Variants in LRRC7 observed in about 807,000 individuals in gnomAD.
LRRC7 encodes the protein leucine-rich repeat-containing protein 7.
Under a neutral mutation model 175.7 loss-of-function variants are expected in LRRC7, and 23 were observed. The observed-to-expected ratio is 0.13, with a 90% CI of 0.09 to 0.19. LRRC7 has a LOEUF of 0.19. LRRC7 is among the 10% of genes least tolerant of loss of function. The pLI, the probability that LRRC7 is intolerant of heterozygous loss-of-function variation, is 1.00. For synonymous variants in LRRC7, 685 were observed against 680.9 expected (o/e 1.01, Z -0.09); for missense variants, 1,354 against 1,904.7 (o/e 0.71, Z 5.38).
At chr1:69,644,781 A>G (rs960132215) in intron 1 of LRRC7, among the ~76,000 whole-genome samples, 1 of 152,014 alleles carries the variant, frequency 6.6e-6, no homozygotes, top group Non-Finnish European at 1.5e-5. Flanking sequence ...ATATAAAAAA[A>G]ATGCATCATT....
At chr1:69,898,839 G>A (rs899652237) in intron 7 of LRRC7, among the ~76,000 whole-genome samples, 1 of 152,176 alleles carries the variant, frequency 6.6e-6, no homozygotes, top group African/African-American at 2.4e-5. Context: ...TTCTAAGAGG[G>A]TTAAAAGTTG....
chr1:69,644,368 T>A (rs1365038689), intron 1 of LRRC7, among the ~76,000 whole-genome samples: 2 of 152,096 alleles, frequency 1.3e-5, no homozygotes, highest in East Asian at 1.9e-4. Context: ...GGTTGCTACA[T>A]CTTCCTGATG....
chr1:70,012,793 T>C (rs546310443), intron 12 of LRRC7, among the ~76,000 whole-genome samples, 181 bp from the exon 13 acceptor site: 25 of 150,914 alleles, frequency 1.7e-4, no homozygotes, highest in Admixed American at 1.3e-3. Context: ...TCCCTTAATA[T>C]CTAAAATAAT....
intron 2 of LRRC7, among the ~76,000 whole-genome samples, chr1:69,724,979 A>G (rs1312253644): frequency 3.3e-5 from 5 of 152,056 alleles, no homozygotes; most frequent in Non-Finnish European, 5.9e-5. Flanking sequence ...TGGGGCACCA[A>G]TCCTCCCAAG....
chr1:69,850,680 T>G (rs1039947943), intron 7 of LRRC7, among the ~76,000 whole-genome samples: 1 of 152,076 alleles, frequency 6.6e-6, no homozygotes, highest in Non-Finnish European at 1.5e-5. Flanking sequence ...CCAAGGCACA[T>G]TTCCAAATTT....
intron 26 of LRRC7, among the ~76,000 whole-genome samples, chr1:70,116,871 T>G (rs936030432): frequency 3.3e-5 from 5 of 152,222 alleles, no homozygotes; most frequent in African/African-American, 1.2e-4. Flanking sequence ...AGTTAGTTAA[T>G]GTGAAGCACA....
chr1:69,628,077 G>A (rs1338967021), intron 1 of LRRC7, among the ~76,000 whole-genome samples: 2 of 152,010 alleles, frequency 1.3e-5, no homozygotes, highest in East Asian at 1.9e-4. Flanking sequence ...TTCCCAGAAC[G>A]AGGCAAAAAT....
At chr1:69,784,930 TG>T (rs1297942339) in intron 3 of LRRC7, among the ~76,000 whole-genome samples, 1 of 152,182 alleles carries the variant, frequency 6.6e-6, no homozygotes, top group Non-Finnish European at 1.5e-5. Flanking sequence ...CTGGTCTTTT[TG>T]TTATGAATTC....
intron 4 of LRRC7, among the ~76,000 whole-genome samples, chr1:69,823,071 C>G (rs1176098195): frequency 6.6e-6 from 1 of 152,124 alleles, no homozygotes; most frequent in African/African-American, 2.4e-5. Context: ...TTTGAGAAGT[C>G]AAATGTCATC....
rs945384603 is a variant in LRRC7 at position 69,730,360 on chromosome 1, T to G, written c.101-29831T>G. Among the ~76,000 whole-genome samples the G allele has an allele frequency of 3.1e-4, 47 of 152,184 alleles. 1 individual carries two copies. Among genetic ancestry groups the G allele is most frequent in the Admixed American group, 2.9e-3 (45 of 15,268 alleles). ...GCAAATTTTTTAAACTTTTATTCCC[T>G]GCTTCCTCTTAAGTGCTTTGCTGCA... On this transcript the variant is annotated intron_variant, in intron 2 of 26. Transcript: ENST00000651989.
intron 23 of LRRC7, among the ~76,000 whole-genome samples, chr1:70,072,540 A>G (rs1662465673): frequency 6.6e-6 from 1 of 152,082 alleles, no homozygotes; most frequent in Non-Finnish European, 1.5e-5. Context: ...ATTCCCCAAC[A>G]TCATTCATCA....
intron 2 of LRRC7, among the ~76,000 whole-genome samples, chr1:69,755,050 G>A (rs1166110055): frequency 6.6e-6 from 1 of 151,890 alleles, no homozygotes. Context: ...CAAAGTGGAC[G>A]GATAAGTGTC....
intron 8 of LRRC7, among the ~76,000 whole-genome samples, chr1:69,959,172 T>C (rs1650796558): frequency 6.6e-6 from 1 of 152,106 alleles, no homozygotes; most frequent in Admixed American, 6.6e-5. Flanking sequence ...CAAACTGTGA[T>C]TTTCTCCAAC....
intron 2 of LRRC7, among the ~76,000 whole-genome samples, chr1:69,734,139 C>T (rs2100828618): frequency 6.6e-6 from 1 of 150,848 alleles, no homozygotes; most frequent in South Asian, 2.1e-4. Context: ...GTTTGTTTAT[C>T]TTATTACTAA....
chr1:69,819,577 C>CTCTG lies in LRRC7; in HGVS notation c.422-6170_422-6169insCTGT, dbSNP rs1553160548. Reference sequence around the variant, plus strand: ...ATGCTCTCTCTCTCTCTCTCTCTCTCTGTGTGTGTGTGTGTGTGTGTGTGT... The same window carrying CTCTG: ...ATGCTCTCTCTCTCTCTCTCTCTCTCTCTGTGTGTGTGTGTGTGTGTGTGTGTGT... On this transcript the variant is annotated intron_variant, in intron 4 of 26. Coordinates refer to ENST00000651989, the MANE Select transcript of LRRC7 (RefSeq NM_001370785.2). Among the ~76,000 whole-genome samples the CTCTG allele has an allele frequency of 3.1e-3, 362 of 114,958 alleles. 1 individual carries two copies. Among genetic ancestry groups the CTCTG allele is most frequent in the Middle Eastern group, 0.019 (4 of 212 alleles). The allele number at this position is 114,958 out of a possible 152,430, so 75.4% of individuals were successfully genotyped here.
chr1:69,717,687 G>GA (rs1287432068), intron 2 of LRRC7, among the ~76,000 whole-genome samples: 4 of 149,452 alleles, frequency 2.7e-5, no homozygotes, highest in African/African-American at 9.8e-5. Context: ...TAGATACCTT[G>GA]ATAATAGTCA....
intron 22 of LRRC7, among the ~76,000 whole-genome samples, chr1:70,047,170 A>G (rs1660394197): frequency 6.6e-6 from 1 of 152,144 alleles, no homozygotes; most frequent in South Asian, 2.1e-4. Context: ...AGCAAATAAA[A>G]TTGACATAAA....
intron 1 of LRRC7, among the ~76,000 whole-genome samples, chr1:69,630,139 ATCTC>A (rs1472079168): frequency 3.3e-5 from 5 of 151,970 alleles, no homozygotes; most frequent in African/African-American, 7.3e-5. Context: ...TATCTCCAAC[ATCTC>A]TCTATTTTCT....
At chr1:69,918,783 A>T (rs935241129) in intron 7 of LRRC7, among the ~76,000 whole-genome samples, 69 of 152,212 alleles carry the variant, frequency 4.5e-4, no homozygotes, top group Non-Finnish European at 3.1e-4. Flanking sequence ...AACTACGGTC[A>T]TATAAATAAA....
Sources: gnomAD v4.1 joint callset for allele counts (sites outside exome capture counted in the v4.1 genomes callset) on GRCh38, gnomAD v4.1.1 for gene constraint, MANE v1.5 for transcripts, NCBI Gene and HGNC (gene_info 2026-07-23, HGNC 2026-07-21) for gene names.